EBF3: variants seen among roughly 807,000 people sequenced by gnomAD.
EBF3 encodes transcription factor COE3.
Under a neutral mutation model 77.1 loss-of-function variants are expected in EBF3, and 18 were observed. That is an observed-to-expected ratio of 0.23 (90% CI 0.16 to 0.35). The LOEUF is 0.35. EBF3 is among the 10% of genes least tolerant of loss of function. The probability of loss-of-function intolerance (pLI) is 1.00; values close to 1 mark genes in which losing one functional copy is unlikely to be tolerated. For missense variants in EBF3, 558 were observed against 860.0 expected, an observed-to-expected ratio of 0.65 and a Z score of 4.39; for synonymous variants, 350 against 343.5, an observed-to-expected ratio of 1.02 and a Z score of -0.21.
chr10:129,936,394 C>G (rs945740942), intron 6 of EBF3, among the ~76,000 whole-genome samples: 9 of 152,218 alleles, frequency 5.9e-5, no homozygotes, highest in Non-Finnish European at 1.2e-4. Flanking sequence ...GCTGAGAGGA[C>G]AGAGCACAGG....
chr10:129,873,733 G>A (rs1207993849), intron 7 of EBF3, 137 bp from the exon 8 acceptor site: 1 of 947,926 alleles, frequency 1.1e-6, no homozygotes, highest in Non-Finnish European at 1.4e-6. Context: ...TGATCGATGT[G>A]CGTTCACAGC....
chr10:129,961,028 C>A (rs1859475817), intron 4 of EBF3, among the ~76,000 whole-genome samples: 1 of 152,170 alleles, frequency 6.6e-6, no homozygotes, highest in African/African-American at 2.4e-5. Context: ...TTTACCACTG[C>A]AGGCATTAAA....
chr10:129,956,207 G>A (rs1859023637), intron 6 of EBF3, among the ~76,000 whole-genome samples: 1 of 152,208 alleles, frequency 6.6e-6, no homozygotes, highest in Non-Finnish European at 1.5e-5. Flanking sequence ...AACTCATGGA[G>A]TTTTCCGGGT....
intron 10 of EBF3, among the ~76,000 whole-genome samples, chr10:129,866,478 C>T (rs1302430868): frequency 1.3e-5 from 2 of 152,204 alleles, no homozygotes; most frequent in Non-Finnish European, 2.9e-5. Context: ...TAATTCAGCC[C>T]TTGAGTGGAC....
intron 6 of EBF3, among the ~76,000 whole-genome samples, chr10:129,948,365 A>G (rs1858402291): frequency 6.6e-6 from 1 of 151,630 alleles, no homozygotes; most frequent in Non-Finnish European, 1.5e-5. Flanking sequence ...AACTAGAGAC[A>G]CAGTAAAAGG....
chr10:129,840,520 C>T (rs564461701), intron 14 of EBF3, 78 bp from the exon 15 acceptor site: 64 of 1,469,398 alleles, frequency 4.4e-5, no homozygotes, highest in Middle Eastern at 2.1e-4. Flanking sequence ...GGCCTCGCCT[C>T]GGACGGGGGG....
At chr10:129,926,392 G>A (rs1856672426) in intron 6 of EBF3, among the ~76,000 whole-genome samples, 1 of 152,200 alleles carries the variant, frequency 6.6e-6, no homozygotes, top group African/African-American at 2.4e-5. Flanking sequence ...TGGGGGTGCA[G>A]GGAGAACAGG....
chr10:129,852,348 A>G (rs73381747), intron 10 of EBF3, among the ~76,000 whole-genome samples: 2,093 of 152,310 alleles, frequency 0.014, 47 homozygotes, highest in African/African-American at 0.046. Context: ...TACAATGTTA[A>G]CGGTCTGTGA....
intron 7 of EBF3, among the ~76,000 whole-genome samples, chr10:129,876,443 A>C (rs1014506676): frequency 1.1e-4 from 17 of 152,232 alleles, no homozygotes; most frequent in African/African-American, 4.1e-4. Flanking sequence ...AGTGCGTGAC[A>C]AATGGAAGCA....
intron 10 of EBF3, among the ~76,000 whole-genome samples, chr10:129,855,453 G>A (rs1319816925): frequency 6.6e-6 from 1 of 152,194 alleles, no homozygotes; most frequent in Non-Finnish European, 1.5e-5. Flanking sequence ...ATAGTCGTGT[G>A]GAAACTACAT....
intron 10 of EBF3, among the ~76,000 whole-genome samples, chr10:129,862,013 T>A (rs1273635194): frequency 2.0e-5 from 3 of 152,070 alleles, no homozygotes; most frequent in Admixed American, 2.0e-4. Context: ...ATGAGTGCTT[T>A]CACAAGGGGA....
At chr10:129,872,473 A>T (rs895553381) in intron 8 of EBF3, among the ~76,000 whole-genome samples, 4 of 152,172 alleles carry the variant, frequency 2.6e-5, no homozygotes, top group African/African-American at 9.7e-5. Flanking sequence ...CACGCTGATA[A>T]TCTGCACACG....
intron 10 of EBF3, among the ~76,000 whole-genome samples, chr10:129,849,114 G>A (rs1034722234): frequency 3.9e-5 from 6 of 152,120 alleles, no homozygotes; most frequent in Non-Finnish European, 7.4e-5. Flanking sequence ...TGAACTGTGC[G>A]CGGCCATAAA....
At chr10:129,891,991 C>A (rs1384786419) in intron 6 of EBF3, among the ~76,000 whole-genome samples, 2 of 152,374 alleles carry the variant, frequency 1.3e-5, no homozygotes, top group South Asian at 2.1e-4. Context: ...AGCTGACCTG[C>A]AGCCAATCAG....
intron 10 of EBF3, among the ~76,000 whole-genome samples, chr10:129,862,425 C>T (rs560721255): frequency 9.2e-5 from 14 of 152,218 alleles, no homozygotes; most frequent in Admixed American, 5.2e-4. Context: ...TTCAGTCTGT[C>T]GCAGACAACA....
intron 6 of EBF3, among the ~76,000 whole-genome samples, chr10:129,941,735 GA>G (rs1857756151): frequency 6.6e-6 from 1 of 152,264 alleles, no homozygotes; most frequent in Admixed American, 6.5e-5. Flanking sequence ...ACCCCTCAAG[GA>G]GGCAGAGCTT....
chr10:129,875,187 C>CTTCTTT (rs1852672323), intron 7 of EBF3, among the ~76,000 whole-genome samples: 5 of 92,932 alleles, frequency 5.4e-5, no homozygotes, highest in African/African-American at 2.1e-4. Flanking sequence ...ATGGCTTCTT[C>CTTCTTT]TTTTTTTTTT....
At chr10:129,910,636 C>G (rs1303126909) in intron 6 of EBF3, among the ~76,000 whole-genome samples, 1 of 152,114 alleles carries the variant, frequency 6.6e-6, no homozygotes, top group South Asian at 2.1e-4. Context: ...CCAGCTCCTA[C>G]GCTCCCTGCT....
chr10:129,960,628 C>CT (rs34551386), intron 4 of EBF3, among the ~76,000 whole-genome samples: 1,746 of 115,180 alleles, frequency 0.015, 20 homozygotes, highest in African/African-American at 0.034. Flanking sequence ...TATTTCTTTC[C>CT]TTTTTTTTTT....
Sources: gnomAD v4.1 joint callset for allele counts (sites outside exome capture counted in the v4.1 genomes callset) on GRCh38, gnomAD v4.1.1 for gene constraint, MANE v1.5 for transcripts, NCBI Gene and HGNC (gene_info 2026-07-23, HGNC 2026-07-21) for gene names.